Variants in NUP98 observed in about 807,000 individuals in gnomAD.
NUP98 encodes the protein nucleoporin 98 and 96 precursor.
NUP98 carries 26 observed loss-of-function variants against 191.9 expected under a neutral mutation model. That is an observed-to-expected ratio of 0.14 (90% CI 0.10 to 0.19). The LOEUF (loss-of-function observed/expected upper bound fraction) is 0.19, where lower values mean the gene tolerates loss of function less well. Ranked by LOEUF, NUP98 falls within the 10% of genes least tolerant of loss-of-function variation. The pLI is 1.00. For missense variants in NUP98, 1,941 were observed against 2,178.8 expected, an observed-to-expected ratio of 0.89 and a Z score of 2.17; for synonymous variants, 808 against 778.4, an observed-to-expected ratio of 1.04 and a Z score of -0.63.
chr11:3,705,222 G>A lies in NUP98; in HGVS notation c.3060C>T (p.His1020=). The change falls in exon 22 of 33, where the codon CAC becomes CAT. Residue 1020 remains histidine, a synonymous_variant. Transcript: ENST00000324932. ...TACCTAGTGAACGAGTTTTCGACGAGTGGGATGCTGAAATGGGGAGTCTGG... is the reference window on the plus strand; with the variant it reads ...TACCTAGTGAACGAGTTTTCGACGAATGGGATGCTGAAATGGGGAGTCTGG... ...CSPRLPISAS[H]SSKTRSLVGG... 6.2e-7 allele frequency: 1 copy of A among 1,614,174 alleles called. No homozygotes were observed. Among genetic ancestry groups the A allele is most frequent in the South Asian group, 1.1e-5 (1 of 91,078 alleles).
rs561395396 is a variant in NUP98 at position 3,792,199 on chromosome 11, A to C, written c.-29+5201T>G. On this transcript the variant is annotated intron_variant, in intron 1 of 32. Transcript: ENST00000324932. ...ATCTCAAAAAAAAAAAAAAAAAAAA[A>C]AAAAAAAAAACATGTATTCACCACT... 3.5e-4 allele frequency among the ~76,000 whole-genome samples: 53 copies of C among 149,930 alleles called. No homozygotes were observed. The East Asian group carries it at 8.6e-3, about 24-fold the overall frequency.
intron 27 of NUP98, 61 bp from the exon 28 acceptor site, chr11:3,691,550 T>A: frequency 6.5e-7 from 1 of 1,539,052 alleles, no homozygotes; most frequent in South Asian, 1.2e-5. Flanking sequence ...TAGATGCCAT[T>A]ATGTTTCTTC....
intron 12 of NUP98, among the ~76,000 whole-genome samples, chr11:3,736,029 G>A (rs1477110215): frequency 1.4e-5 from 2 of 146,014 alleles, no homozygotes; most frequent in Non-Finnish European, 3.0e-5. Context: ...AGACTCCCAA[G>A]TAGCTGGGAC....
At chr11:3,747,918 G>A (rs1444939435) in intron 11 of NUP98, among the ~76,000 whole-genome samples, 1 of 152,104 alleles carries the variant, frequency 6.6e-6, no homozygotes, top group Non-Finnish European at 1.5e-5. Context: ...TGATCATCAG[G>A]GAATTGCAAC....
rs528454407 is a variant in NUP98, at chr11:3,718,975, C to T, written c.2399+437G>A. 2.0e-5 allele frequency among the ~76,000 whole-genome samples: 3 copies of T among 152,008 alleles called. No homozygotes were observed. In the East Asian group the frequency reaches 5.8e-4, roughly 29 times the overall value. ...TCTCTACTAAAAATACAAAAATTAG[C>T]CAGGCATGGTGGCGGGCGCCTACAA... On this transcript the variant is annotated intron_variant, in intron 18 of 32. Transcript: ENST00000324932.
intron 12 of NUP98, among the ~76,000 whole-genome samples, chr11:3,739,066 A>T (rs2080182162): frequency 6.6e-6 from 1 of 152,160 alleles, no homozygotes; most frequent in Non-Finnish European, 1.5e-5. Context: ...ATTACCTTTA[A>T]ATGGGCAGTA....
At chr11:3,743,796 G>A (rs1295020255) in intron 12 of NUP98, among the ~76,000 whole-genome samples, 1 of 149,644 alleles carries the variant, frequency 6.7e-6, no homozygotes, top group Non-Finnish European at 1.5e-5. Flanking sequence ...GCTTACACCT[G>A]TAATCCTTGC....
chr11:3,793,994 C>A (rs1309117206), intron 1 of NUP98, among the ~76,000 whole-genome samples: 1 of 148,932 alleles, frequency 6.7e-6, no homozygotes, highest in African/African-American at 2.5e-5. Context: ...TAAATAAATA[C>A]ATGTGAAATA....
At position 3,675,855 on chromosome 11, in the gene NUP98, G is replaced by C. The variant is rs761594425; in HGVS notation, c.*304C>G. 7 of 441,300 alleles carry C rather than the reference G, an allele frequency of 1.6e-5. No individual in the cohort carries two copies. Among genetic ancestry groups the C allele is most frequent in the African/African-American group, 7.8e-5 (4 of 51,330 alleles). The allele number at this position is 441,300 out of a possible 1,614,324, so 27.3% of individuals were successfully genotyped here. A position where few individuals can be genotyped will look rare whatever the true frequency, so the allele number is the denominator to read the frequency against. On this transcript the variant is annotated 3_prime_UTR_variant, in exon 33 of 33. Transcript: ENST00000324932. ...TCCAGAATGGCTAGGGATGGAAAAA[G>C]AATACCCTGGTTCTTTGGGGGATTC...
At chr11:3,711,240 G>T (rs76777322) in intron 20 of NUP98, among the ~76,000 whole-genome samples, 7,682 of 150,672 alleles carry the variant, frequency 0.051, 253 homozygotes, top group Middle Eastern at 0.099. Flanking sequence ...TCTTTCTCAA[G>T]GAAAAAAAAA....
intron 1 of NUP98, among the ~76,000 whole-genome samples, chr11:3,791,089 T>G (rs182512006): frequency 0.024 from 3,696 of 151,512 alleles, 164 homozygotes; most frequent in African/African-American, 0.08. Flanking sequence ...TAGAGACGGG[T>G]TTTCACCGTG....
intron 22 of NUP98, 77 bp downstream of exon 22, chr11:3,705,123 G>A (rs2078820780): frequency 1.4e-6 from 2 of 1,419,384 alleles, no homozygotes; most frequent in Non-Finnish European, 9.9e-7. Context: ...GTCCACTTGG[G>A]TTAGAAGAAG....
intron 11 of NUP98, among the ~76,000 whole-genome samples, chr11:3,749,682 G>C (rs1564882010): frequency 6.6e-6 from 1 of 151,002 alleles, no homozygotes; most frequent in East Asian, 1.9e-4. Flanking sequence ...GGTAGGTGCA[G>C]AAAAAAAGAA....
Position 3,779,236 on chromosome 11 carries a change from C to T in NUP98, c.98G>A (p.Ser33Asn). The T allele has an allele frequency of 6.2e-7, 1 of 1,614,108 alleles. No individual in the cohort carries two copies. The highest frequency in any genetic ancestry group is 8.5e-7 in the Non-Finnish European group (1 of 1,179,954). Reference sequence around the variant, plus strand: ...TGCAGATGTTCCAAATGCCCCTCCACTAGTAGTGCCAAAGCCAGTATCTGA... The same window carrying T: ...TGCAGATGTTCCAAATGCCCCTCCATTAGTAGTGCCAAAGCCAGTATCTGA... ...FGQNTGFGTT[S>N]GGAFGTSAFG... is the part of the protein sequence containing the mutation. Residue 33 changes from serine to asparagine, a missense_variant, in exon 3 of 33, where the codon AGT (serine) becomes AAT (asparagine). Transcript: ENST00000324932.
At position 3,713,870 on chromosome 11, in the gene NUP98, T is replaced by C; in HGVS notation, c.2525A>G (p.Gln842Arg). The change falls in exon 19 of 33, where the codon CAG (glutamine) becomes CGG (arginine). Residue 842 changes from glutamine (Q) to arginine (R), a missense_variant. Gln to Arg is a conservative substitution (Grantham distance 43). This residue lies in a region of NUP98 where 95 missense variants were observed against 139.7 expected (regional missense o/e 0.68). Transcript: ENST00000324932. Reference protein sequence around the residue: ...EGRLEAVSRKQGAQFKEYRPE... With the variant: ...EGRLEAVSRKRGAQFKEYRPE... The stretch of plus-strand genomic sequence containing the variant: ...CCGGTATTCTTTGAATTGAGCTCCC[T>C]GTTTCCTTGAAACTGCTTCCAATCT... 6.2e-7 allele frequency: 1 copy of C among 1,614,190 alleles called. No individual in the cohort carries two copies. Among genetic ancestry groups the C allele is most frequent in the Non-Finnish European group, 8.5e-7 (1 of 1,180,018 alleles).
chr11:3,731,992 C>T (rs1216465587), intron 13 of NUP98, among the ~76,000 whole-genome samples: 1 of 152,108 alleles, frequency 6.6e-6, no homozygotes, highest in East Asian at 1.9e-4. Flanking sequence ...GAATACTAAC[C>T]GAACTGTCTT....
At chr11:3,731,763 A>G (rs1242950507) in intron 13 of NUP98, among the ~76,000 whole-genome samples, 185 bp from the exon 14 acceptor site, 1 of 152,200 alleles carries the variant, frequency 6.6e-6, no homozygotes, top group Non-Finnish European at 1.5e-5. Flanking sequence ...AGTATCCCTC[A>G]TCCAAAATGC....
intron 1 of NUP98, 104 bp downstream of exon 1, chr11:3,797,296 G>C (rs1257029958): frequency 1.5e-5 from 6 of 398,192 alleles, no homozygotes; most frequent in Non-Finnish European, 2.2e-5. Flanking sequence ...AGCGGCGCTA[G>C]ACTTCGAAGC....
intron 1 of NUP98, among the ~76,000 whole-genome samples, chr11:3,791,069 G>A (rs976071867): frequency 6.6e-6 from 1 of 151,652 alleles, no homozygotes; most frequent in Non-Finnish European, 1.5e-5. Flanking sequence ...CTAATTTTTT[G>A]TATTTTTAGT....
Sources: gnomAD v4.1 joint callset for allele counts (sites outside exome capture counted in the v4.1 genomes callset) on GRCh38, gnomAD v4.1.1 for gene constraint, gnomAD v4.1.1 regional missense constraint, MANE v1.5 for transcripts, NCBI Gene and HGNC (gene_info 2026-07-23, HGNC 2026-07-21) for gene names.